KLF12: variants seen among roughly 807,000 people sequenced by gnomAD.
The protein encoded by KLF12 is Krueppel-like factor 12.
In KLF12, 9 loss-of-function variants were observed where a neutral mutation model predicts 37.8. The ratio of observed to expected loss-of-function variants is 0.24; its 90% CI spans 0.14 to 0.42. The LOEUF (loss-of-function observed/expected upper bound fraction) is 0.42. KLF12 is among the 10% of genes least tolerant of loss of function. KLF12 has a pLI of 1.00. For missense variants in KLF12, 411 were observed against 516.0 expected (o/e 0.80, Z 1.97); for synonymous variants, 208 against 202.1 (o/e 1.03, Z -0.25).
chr13:73,841,367 T>A (rs1433569365), intron 4 of KLF12, among the ~76,000 whole-genome samples: 1 of 152,076 alleles, frequency 6.6e-6, no homozygotes, highest in Non-Finnish European at 1.5e-5. Flanking sequence ...GGGCCACACA[T>A]AAAATACACT....
intron 1 of KLF12, among the ~76,000 whole-genome samples, chr13:74,071,463 G>C (rs1164053004): frequency 6.6e-6 from 1 of 151,956 alleles, no homozygotes; most frequent in Non-Finnish European, 1.5e-5. Flanking sequence ...GAGGTGGGCG[G>C]ATCACAAGGT....
At chr13:74,260,564 T>G in the KLF12 span, among the ~76,000 whole-genome samples, 7 of 86,900 alleles carry the variant, frequency 8.1e-5, no homozygotes, top group African/African-American at 6.2e-4. Flanking sequence ...TAAAATAAAA[T>G]AAAATAAAAT....
intron 2 of KLF12, among the ~76,000 whole-genome samples, chr13:73,988,589 T>C (rs1891886486): frequency 6.6e-6 from 1 of 152,190 alleles, no homozygotes. Context: ...CCAATGTTAT[T>C]TCCTCCAAGA....
At chr13:73,831,328 A>C (rs1391188636) in intron 4 of KLF12, among the ~76,000 whole-genome samples, 2 of 152,182 alleles carry the variant, frequency 1.3e-5, no homozygotes, top group East Asian at 3.8e-4. Context: ...ATTGCAAAAC[A>C]CTGACAATAA....
intron 1 of KLF12, among the ~76,000 whole-genome samples, chr13:74,118,766 G>T (rs758180536): frequency 3.5e-4 from 53 of 152,022 alleles, no homozygotes; most frequent in Non-Finnish European, 7.2e-4. Context: ...ATTGTAAGAG[G>T]GTGCAAGTCT....
At chr13:74,069,179 T>C (rs1874083508) in intron 1 of KLF12, among the ~76,000 whole-genome samples, 1 of 152,174 alleles carries the variant, frequency 6.6e-6, no homozygotes. Flanking sequence ...AACTTACATG[T>C]GGCTCTTTTT....
the KLF12 span, among the ~76,000 whole-genome samples, chr13:74,207,324 A>G: frequency 6.6e-6 from 1 of 152,216 alleles, no homozygotes; most frequent in Non-Finnish European, 1.5e-5. Context: ...AGTCATACAC[A>G]ATACAAAGTA....
At chr13:74,189,166 G>C in the KLF12 span, among the ~76,000 whole-genome samples, 1 of 152,064 alleles carries the variant, frequency 6.6e-6, no homozygotes, top group African/African-American at 2.4e-5. Flanking sequence ...ACTTTTTGTG[G>C]AACAATTGTT....
chr13:74,179,425 CTTT>C, the KLF12 span, among the ~76,000 whole-genome samples: 2 of 152,130 alleles, frequency 1.3e-5, no homozygotes, highest in African/African-American at 4.8e-5. Context: ...ATATTACTGC[CTTT>C]TTGAATGTCA....
chr13:73,860,335 T>C (rs1885853563), intron 3 of KLF12, among the ~76,000 whole-genome samples: 2 of 152,196 alleles, frequency 1.3e-5, no homozygotes, highest in African/African-American at 2.4e-5. Context: ...CTTGTTCTTT[T>C]GTAGACAAGC....
At chr13:73,963,975 T>C (rs1017767500) in intron 2 of KLF12, among the ~76,000 whole-genome samples, 1 of 152,132 alleles carries the variant, frequency 6.6e-6, no homozygotes, top group African/African-American at 2.4e-5. Flanking sequence ...GATTATGAGG[T>C]GGAACTTAAG....
chr13:74,125,328 A>C (rs1039012038), intron 1 of KLF12, among the ~76,000 whole-genome samples: 10 of 152,170 alleles, frequency 6.6e-5, no homozygotes, highest in Non-Finnish European at 1.2e-4. Flanking sequence ...CAGGTGCTTT[A>C]AACAACTTAC....
At chr13:74,120,734 A>G (rs1324064191) in intron 1 of KLF12, among the ~76,000 whole-genome samples, 1 of 152,104 alleles carries the variant, frequency 6.6e-6, no homozygotes, top group East Asian at 1.9e-4. Context: ...ATATGAAGAA[A>G]ATAGCACAAA....
intron 1 of KLF12, among the ~76,000 whole-genome samples, chr13:74,047,964 G>GA (rs1243056954): frequency 1.3e-5 from 2 of 152,216 alleles, no homozygotes; most frequent in Non-Finnish European, 2.9e-5. Context: ...CAAGGGTATG[G>GA]AAGCTGTGCT....
chr13:73,803,621 A>G (rs1023342953), intron 5 of KLF12, among the ~76,000 whole-genome samples: 1 of 151,996 alleles, frequency 6.6e-6, no homozygotes, highest in African/African-American at 2.4e-5. Flanking sequence ...TAGAATATTA[A>G]GCACCACGAG....
chr13:74,163,333 G>C, the KLF12 span, among the ~76,000 whole-genome samples: 1 of 152,130 alleles, frequency 6.6e-6, no homozygotes, highest in Non-Finnish European at 1.5e-5. Context: ...AATCATATCT[G>C]TTTATCAACA....
intron 6 of KLF12, among the ~76,000 whole-genome samples, chr13:73,760,684 G>A (rs996473835): frequency 6.6e-6 from 1 of 152,048 alleles, no homozygotes; most frequent in Admixed American, 6.6e-5. Context: ...CATAAAGTTT[G>A]TATTATGTGA....
intron 5 of KLF12, among the ~76,000 whole-genome samples, chr13:73,802,631 C>A (rs562132673): frequency 6.6e-6 from 1 of 152,112 alleles, no homozygotes; most frequent in Admixed American, 6.6e-5. Flanking sequence ...CTCCCTCCCC[C>A]TCTAGTAGTT....
chr13:74,150,169 A>G, the KLF12 span, among the ~76,000 whole-genome samples: 1 of 152,150 alleles, frequency 6.6e-6, no homozygotes, highest in Non-Finnish European at 1.5e-5. Context: ...GTTGCCTAGT[A>G]TAATATAGAA....
Sources: allele counts gnomAD v4.1 joint callset (sites outside exome capture counted in the v4.1 genomes callset), GRCh38; gene constraint gnomAD v4.1.1; transcripts MANE v1.5; gene names NCBI Gene and HGNC (gene_info 2026-07-23, HGNC 2026-07-21).